ROBO2: variants seen among roughly 807,000 people sequenced by gnomAD.
ROBO2 encodes the protein roundabout guidance receptor 2.
ROBO2 carries 53 observed loss-of-function variants against 160.8 expected under a neutral mutation model. The observed-to-expected ratio is 0.33, with a 90% CI of 0.26 to 0.41. The LOEUF is 0.41. ROBO2 is among the 10% of genes least tolerant of loss of function. The pLI is 1.00. For missense variants in ROBO2, 1,577 were observed against 1,722.4 expected (o/e 0.92, Z 1.49); for synonymous variants, 664 against 611.7 (o/e 1.09, Z -1.26).
intron 2 of ROBO2, among the ~76,000 whole-genome samples, chr3:76,744,824 G>T (rs2093858942): frequency 6.6e-6 from 1 of 152,046 alleles, no homozygotes. Context: ...TCTTTCAAAA[G>T]TATAATATTT....
intron 2 of ROBO2, among the ~76,000 whole-genome samples, chr3:77,376,896 A>G (rs1346410404): frequency 2.0e-5 from 3 of 152,228 alleles, no homozygotes; most frequent in Admixed American, 1.3e-4. Context: ...GACTAGCAGA[A>G]GTATTTTAAT....
At chr3:76,054,401 G>C (rs2067763038) in intron 2 of ROBO2, among the ~76,000 whole-genome samples, 1 of 152,194 alleles carries the variant, frequency 6.6e-6, no homozygotes, top group African/African-American at 2.4e-5. Flanking sequence ...AAAAGTAGTA[G>C]TCATAGAGTG....
intron 2 of ROBO2, among the ~76,000 whole-genome samples, chr3:75,981,849 A>T (rs2065286431): frequency 6.6e-6 from 1 of 151,342 alleles, no homozygotes; most frequent in South Asian, 2.1e-4. Flanking sequence ...TGTGCTATCA[A>T]GTAGTAGGTC....
chr3:77,457,452 G>A (rs371952803), intron 2 of ROBO2, among the ~76,000 whole-genome samples: 14 of 151,792 alleles, frequency 9.2e-5, no homozygotes, highest in Admixed American at 2.6e-4. Context: ...AAATTTGAGC[G>A]TAGCGAAAAT....
exon 13 of ROBO2, chr3:77,568,363 C>T: frequency 1.2e-6 from 2 of 1,613,002 alleles, no homozygotes; most frequent in Non-Finnish European, 1.7e-6. Context: ...GCAGAAAGAG[C>T]TAGGAGATGT....
intron 2 of ROBO2, among the ~76,000 whole-genome samples, chr3:76,821,740 C>T (rs2066138331): frequency 6.6e-6 from 1 of 151,968 alleles, no homozygotes; most frequent in South Asian, 2.1e-4. Context: ...CATAAAATAT[C>T]AGTGGCATCT....
chr3:76,696,695 A>G (rs2092935352), intron 2 of ROBO2, among the ~76,000 whole-genome samples: 2 of 152,224 alleles, frequency 1.3e-5, no homozygotes, highest in Non-Finnish European at 2.9e-5. Context: ...GTACAGAGCT[A>G]TGATACGGGT....
At chr3:77,488,581 AATAGAT>A (rs1332287779) in intron 4 of ROBO2, among the ~76,000 whole-genome samples, 1 of 152,210 alleles carries the variant, frequency 6.6e-6, no homozygotes, top group African/African-American at 2.4e-5. Context: ...ATGGAGCATT[AATAGAT>A]ATTGAGTGTG....
chr3:77,494,965 G>A (rs1188155119), intron 5 of ROBO2, among the ~76,000 whole-genome samples: 1 of 152,172 alleles, frequency 6.6e-6, no homozygotes, highest in Non-Finnish European at 1.5e-5. Context: ...CCAGACATCT[G>A]TCTTTAAAGG....
At chr3:76,516,144 G>C (rs1365233113) in intron 2 of ROBO2, among the ~76,000 whole-genome samples, 1 of 152,108 alleles carries the variant, frequency 6.6e-6, no homozygotes. Flanking sequence ...TTTACAAAAA[G>C]TGAGAAATAG....
rs1273517700 is a variant in ROBO2 at position 75,961,730 on chromosome 3, T to A, written c.109+24128T>A. 5.3e-5 allele frequency among the ~76,000 whole-genome samples: 8 copies of A among 151,708 alleles called. No homozygotes were observed. In the East Asian group the frequency reaches 1.6e-3, roughly 30 times the overall value. ...CATCAAACTGAAACTTTTTGATGGA[T>A]ATAGAAACAAAAAATATTGTATTAA... On this transcript the variant is annotated intron_variant, in intron 2 of 26. Transcript: ENST00000487694.
chr3:77,104,244 TAA>T (rs1278046308), intron 2 of ROBO2, among the ~76,000 whole-genome samples: 1 of 152,170 alleles, frequency 6.6e-6, no homozygotes, highest in Non-Finnish European at 1.5e-5. Flanking sequence ...CAGCCCTAAG[TAA>T]ATGCTAATCT....
intron 21 of ROBO2, among the ~76,000 whole-genome samples, chr3:77,615,034 G>GT (rs1559732309): frequency 6.6e-6 from 1 of 151,996 alleles, no homozygotes; most frequent in Non-Finnish European, 1.5e-5. Context: ...TCCAAAACTA[G>GT]TTTAGACCTC....
chr3:76,490,774 G>A (rs2079775327), intron 2 of ROBO2, among the ~76,000 whole-genome samples: 1 of 152,128 alleles, frequency 6.6e-6, no homozygotes, highest in African/African-American at 2.4e-5. Flanking sequence ...CATTAGTTAT[G>A]TGTCTCTGAG....
At chr3:76,671,289 C>A (rs1034920649) in intron 2 of ROBO2, among the ~76,000 whole-genome samples, 1 of 152,054 alleles carries the variant, frequency 6.6e-6, no homozygotes, top group Admixed American at 6.6e-5. Context: ...CCATGCAGGA[C>A]ATCTAAATAG....
intron 2 of ROBO2, among the ~76,000 whole-genome samples, chr3:77,292,360 T>C (rs1190177028): frequency 5.3e-5 from 8 of 149,924 alleles, no homozygotes; most frequent in African/African-American, 2.0e-4. Flanking sequence ...AAATTGACGG[T>C]TAAATGGGTA....
intron 2 of ROBO2, among the ~76,000 whole-genome samples, chr3:77,213,398 T>C (rs1378444404): frequency 2.6e-5 from 4 of 152,352 alleles, no homozygotes; most frequent in Middle Eastern, 3.4e-3. Context: ...GATGGTAGTT[T>C]GTATTTCTAT....
intron 2 of ROBO2, among the ~76,000 whole-genome samples, chr3:76,025,211 A>T (rs1282119945): frequency 6.6e-6 from 1 of 151,514 alleles, no homozygotes; most frequent in African/African-American, 2.4e-5. Flanking sequence ...CCAAGATGTT[A>T]TTGTTTTTTT....
intron 2 of ROBO2, among the ~76,000 whole-genome samples, chr3:76,963,743 C>G (rs2079840892): frequency 6.8e-6 from 1 of 146,632 alleles, no homozygotes; most frequent in South Asian, 2.1e-4. Flanking sequence ...TCAAAAAGAC[C>G]TAAATTATTA....
Sources: gnomAD v4.1 joint callset for allele counts (sites outside exome capture counted in the v4.1 genomes callset) on GRCh38, gnomAD v4.1.1 for gene constraint, MANE v1.5 for transcripts, NCBI Gene and HGNC (gene_info 2026-07-23, HGNC 2026-07-21) for gene names.